Variants in ABHD6 observed in about 807,000 individuals in gnomAD.
ABHD6 encodes the protein abhydrolase domain containing 6, acylglycerol lipase.
ABHD6 carries 33 observed loss-of-function variants against 38.8 expected under a neutral mutation model. The observed-to-expected ratio is 0.85, with a 90% confidence interval of 0.64 to 1.14. ABHD6 has a LOEUF of 1.14. ABHD6 is among the 50% of genes most tolerant of loss of function. The pLI, the probability that ABHD6 is intolerant of heterozygous loss-of-function variation, is 0.00. For missense variants in ABHD6, 380 were observed against 422.6 expected (o/e 0.90, Z 0.88); for synonymous variants, 147 against 161.6 (o/e 0.91, Z 0.69).
rs779362997 is a variant in ABHD6 at position 58,285,415 on chromosome 3, A to G, written c.799A>G (p.Lys267Glu). The change falls in exon 9 of 10, where the codon AAG becomes GAG. Residue 267 changes from lysine (K) to glutamate (E), a missense_variant. By Grantham distance (56) the Lys-to-Glu change is moderately conservative. Coordinates refer to ENST00000478253, the MANE Select transcript of ABHD6 (RefSeq NM_001320126.2). This position sits in a 1 kb window ranked among gnomAD's most constrained non-coding sequence, Gnocchi z 4.9. ...TCTCCATCAGAACATGGACAAGATC[A>G]AGGTTCCGACGCAGATCATCTGGGG... ...YSLHQNMDKI[K>E]VPTQIIWGKQ... The G allele has an allele frequency of 5.6e-6, 9 of 1,613,976 alleles. No homozygotes were observed. The highest frequency in any genetic ancestry group is 7.6e-6 in the Non-Finnish European group (9 of 1,179,810).
In ABHD6 at chr3:58,284,854, C is replaced by T. The variant is rs544639905; in HGVS notation, c.682-231C>T. ...ATGCTGTAGGGCACCTCCAGTTTCA[C>T]GATATTACCCAAGTTCCTTTATAAT... On this transcript the variant is annotated intron_variant, in intron 7 of 9. Transcript: ENST00000478253. 6.6e-5 allele frequency among the ~76,000 whole-genome samples: 10 copies of T among 152,150 alleles called. No homozygotes were observed. The East Asian group carries it at 9.7e-4, about 15-fold the overall frequency.
rs1170582501 is a variant in ABHD6, at chr3:58,263,304, C to T, written c.120-3885C>T. Among the ~76,000 whole-genome samples the T allele has an allele frequency of 6.6e-6, 1 of 151,844 alleles. No homozygotes were observed. The highest frequency in any genetic ancestry group is 1.5e-5 in the Non-Finnish European group (1 of 67,986). On this transcript the variant is annotated intron_variant, in intron 3 of 9. Transcript: ENST00000478253. This position sits in a 1 kb window ranked among gnomAD's most constrained non-coding sequence, Gnocchi z 4.9. The stretch of plus-strand genomic sequence containing the variant: ...ACTCAGGAGGCTGAGGCGGGAGAAT[C>T]ACTTGAACCCGGGAGGTGGAGGTTG...
chr3:58,252,351 C>T (rs1440205872), intron 2 of ABHD6, among the ~76,000 whole-genome samples: 1 of 147,040 alleles, frequency 6.8e-6, no homozygotes, highest in African/African-American at 2.5e-5. Flanking sequence ...GTAGCTGAGA[C>T]TACAGGCGCA....
chr3:58,292,863 T>C (rs13077569), intron 9 of ABHD6, among the ~76,000 whole-genome samples: 14,246 of 152,088 alleles, frequency 0.094, 795 homozygotes, highest in African/African-American at 0.13. Flanking sequence ...TTGCAGTGAG[T>C]TGAGATCACG....
chr3:58,290,699 C>T (rs34569640), intron 9 of ABHD6, among the ~76,000 whole-genome samples: 1 of 146,714 alleles, frequency 6.8e-6, no homozygotes, highest in African/African-American at 2.5e-5. Context: ...ACCTCCCAGA[C>T]GGGGTCGCGG....
chr3:58,291,705 T>A (rs901465507), intron 9 of ABHD6, among the ~76,000 whole-genome samples: 6 of 152,254 alleles, frequency 3.9e-5, no homozygotes, highest in African/African-American at 1.4e-4. Context: ...TTTGTAACGC[T>A]AACCAGCAAA....
At chr3:58,261,757 T>C (rs1288920167) in intron 3 of ABHD6, among the ~76,000 whole-genome samples, 1 of 152,160 alleles carries the variant, frequency 6.6e-6, no homozygotes, top group East Asian at 1.9e-4. Context: ...CTGTTGGGAA[T>C]GTAAAATAGT....
rs771566181 is a variant in ABHD6 at position 58,245,092 on chromosome 3, A to G, written c.-90-4786A>G. 1.3e-4 allele frequency among the ~76,000 whole-genome samples: 20 copies of G among 152,310 alleles called. 1 individual carries two copies. Among genetic ancestry groups the G allele is most frequent in the Middle Eastern group, 6.8e-3 (2 of 294 alleles). The stretch of plus-strand genomic sequence containing the variant: ...CCAAAGCCTGCCAGTGTTTATTAAC[A>G]GGGCTCATTTTTTTGTTTAACATCA... On this transcript the variant is annotated intron_variant, in intron 1 of 9. Coordinates refer to ENST00000478253, the MANE Select transcript of ABHD6 (RefSeq NM_001320126.2).
rs116226658 is a variant in ABHD6 at position 58,244,522 on chromosome 3, T to C, written c.-90-5356T>C. ...GGTGGCTCGTGCCTGCCCACCACTT[T>C]GGGAGGGCAAAGCAGGAGGATTGCT... On this transcript the variant is annotated intron_variant, in intron 1 of 9. Transcript: ENST00000478253. 6.1e-3 allele frequency among the ~76,000 whole-genome samples: 934 copies of C among 152,224 alleles called. 5 individuals are homozygous for C. The highest frequency in any genetic ancestry group is 0.021 in the African/African-American group (869 of 41,542).
Position 58,269,295 on chromosome 3 carries a change from G to T in ABHD6, c.277-26G>T. ...AGACATGTTTTGCACACCACATACT[G>T]ACTCTCTGGGTCTGTGTGTCCTCAG... is the stretch of plus-strand genomic sequence containing the variant. On this transcript the variant is annotated intron_variant, in intron 4 of 9. Transcript: ENST00000478253. The surrounding 1 kb of genome is among the most constrained non-coding windows in gnomAD (Gnocchi z 4.4). The T allele has an allele frequency of 1.9e-6, 3 of 1,580,030 alleles. No individual in the cohort carries two copies. In the South Asian group the frequency reaches 3.3e-5, roughly 18 times the overall value.
chr3:58,248,240 A>C (rs1339657112), intron 1 of ABHD6, among the ~76,000 whole-genome samples: 4 of 152,180 alleles, frequency 2.6e-5, no homozygotes, highest in African/African-American at 9.7e-5. Context: ...TAGTGGCTAT[A>C]TATGTTTCTT....
At chr3:58,277,862 G>A (rs375406618) in intron 7 of ABHD6, among the ~76,000 whole-genome samples, 14 of 152,316 alleles carry the variant, frequency 9.2e-5, no homozygotes, top group African/African-American at 3.4e-4. Context: ...CAACTATTGA[G>A]ATAATCATGT....
At chr3:58,281,959 A>T (rs941365576) in intron 7 of ABHD6, among the ~76,000 whole-genome samples, 1 of 152,176 alleles carries the variant, frequency 6.6e-6, no homozygotes, top group African/African-American at 2.4e-5. Context: ...CTATTTAAAT[A>T]CAAATAAAAG....
intron 1 of ABHD6, among the ~76,000 whole-genome samples, chr3:58,245,827 A>AAGAAAAAG (rs143444972): frequency 6.6e-6 from 1 of 150,894 alleles, no homozygotes; most frequent in Non-Finnish European, 1.5e-5. Context: ...GAAAGAAAGA[A>AAGAAAAAG]AAAGAAAGAA....
chr3:58,245,692 A>C (rs1275789954), intron 1 of ABHD6, among the ~76,000 whole-genome samples: 2 of 152,142 alleles, frequency 1.3e-5, no homozygotes, highest in Non-Finnish European at 2.9e-5. Context: ...AGGCACAAGA[A>C]TTGCTTGAAC....
intron 4 of ABHD6, among the ~76,000 whole-genome samples, chr3:58,268,114 CT>C (rs760243823): frequency 1.1e-4 from 17 of 152,096 alleles, no homozygotes; most frequent in Non-Finnish European, 2.4e-4. Flanking sequence ...GTTACTCATT[CT>C]TTTGTCAGAA....
chr3:58,248,557 G>T (rs973614798), intron 1 of ABHD6, among the ~76,000 whole-genome samples: 6 of 152,298 alleles, frequency 3.9e-5, no homozygotes, highest in Admixed American at 3.9e-4. Flanking sequence ...AATTAGCCGG[G>T]CATGGTGGCA....
chr3:58,240,964 A>G (rs1470328128), intron 1 of ABHD6, among the ~76,000 whole-genome samples: 1 of 151,964 alleles, frequency 6.6e-6, no homozygotes, highest in Non-Finnish European at 1.5e-5. Flanking sequence ...TCCCGACCTC[A>G]GGTGATCTGC....
In ABHD6 at chr3:58,238,815, A is replaced by T; in HGVS notation, c.-91+899A>T. Among the ~76,000 whole-genome samples the T allele has an allele frequency of 6.6e-6, 1 of 152,046 alleles. No homozygotes were observed. The highest frequency in any genetic ancestry group is 1.9e-4 in the East Asian group (1 of 5,176). On this transcript the variant is annotated intron_variant, in intron 1 of 9. Coordinates refer to ENST00000478253, the MANE Select transcript of ABHD6 (RefSeq NM_001320126.2). This position sits in a 1 kb window ranked among gnomAD's most constrained non-coding sequence, Gnocchi z 6.9. ...CTCCAGCTGGGACCTGGAGGCCCTC[A>T]TTTATCTCGCCGCCCCCCTCCCCGC...
Sources: allele counts gnomAD v4.1 joint callset (sites outside exome capture counted in the v4.1 genomes callset), GRCh38; gene constraint gnomAD v4.1.1; non-coding constraint Gnocchi (gnomAD v3.1); transcripts MANE v1.5; gene names NCBI Gene and HGNC (gene_info 2026-07-23, HGNC 2026-07-21).